The following PAM variants were observed in gnomAD, a reference collection of about 807,000 sequenced individuals.
PAM encodes peptidylglycine alpha-amidating monooxygenase, also known as peptidyl-glycine alpha-amidating monooxygenase.
A neutral mutation model predicts 122.1 loss-of-function variants in PAM; 72 were observed. The ratio of observed to expected loss-of-function variants is 0.59; its 90% CI spans 0.49 to 0.72. The LOEUF (loss-of-function observed/expected upper bound fraction) is 0.72, where lower values mean the gene tolerates loss of function less well. PAM is among the 30% of genes least tolerant of loss of function. PAM has a pLI of 0.00. For synonymous variants in PAM, 389 were observed against 404.4 expected (o/e 0.96, Z 0.46); for missense variants, 1,106 against 1,183.7 (o/e 0.93, Z 0.96).
At chr5:102,960,249 A>G (rs186065775) in intron 13 of PAM, among the ~76,000 whole-genome samples, 190 bp downstream of exon 13, 1 of 152,058 alleles carries the variant, frequency 6.6e-6, no homozygotes, top group East Asian at 1.9e-4. Flanking sequence ...TACCCATCAG[A>G]ACAGTTAAAG....
At chr5:102,806,145 T>G (rs1429154859) in intron 1 of PAM, among the ~76,000 whole-genome samples, 1 of 152,242 alleles carries the variant, frequency 6.6e-6, no homozygotes, top group Non-Finnish European at 1.5e-5. Flanking sequence ...TCCCTTTTTG[T>G]GTGTGTATTG....
chr5:102,890,299 A>T (rs144133636), intron 3 of PAM, among the ~76,000 whole-genome samples: 2 of 152,012 alleles, frequency 1.3e-5, no homozygotes, highest in Non-Finnish European at 2.9e-5. Context: ...CTACCTATTA[A>T]TGAGGAAATG....
intron 1 of PAM, among the ~76,000 whole-genome samples, chr5:102,779,733 A>T (rs977284388): frequency 6.6e-6 from 1 of 151,646 alleles, no homozygotes; most frequent in Non-Finnish European, 1.5e-5. Context: ...TTTTTCTCCC[A>T]TGCTGGATGC....
intron 3 of PAM, chr5:102,895,892 G>A (rs1796067387): frequency 6.6e-6 from 1 of 151,740 alleles, no homozygotes; most frequent in South Asian, 2.1e-4. Flanking sequence ...ACCAGGTTCA[G>A]AAGATTGACT....
At chr5:102,993,077 C>A (rs1208365211) in intron 16 of PAM, among the ~76,000 whole-genome samples, 1 of 152,046 alleles carries the variant, frequency 6.6e-6, no homozygotes, top group Admixed American at 6.6e-5. Context: ...ATATACATAG[C>A]AACCAAAATT....
intron 5 of PAM, among the ~76,000 whole-genome samples, chr5:102,920,353 A>G (rs1000854524): frequency 6.6e-6 from 1 of 152,096 alleles, no homozygotes; most frequent in African/African-American, 2.4e-5. Context: ...AGAATTTGGT[A>G]TGAATAAAAC....
At chr5:102,937,707 G>A (rs75411270) in intron 7 of PAM, among the ~76,000 whole-genome samples, 5 of 152,114 alleles carry the variant, frequency 3.3e-5, no homozygotes, top group Non-Finnish European at 5.9e-5. Flanking sequence ...GCTCAGAAAG[G>A]TTGCATGACT....
At chr5:102,822,221 C>T (rs1033393821) in intron 1 of PAM, among the ~76,000 whole-genome samples, 28 of 152,312 alleles carry the variant, frequency 1.8e-4, no homozygotes, top group African/African-American at 6.3e-4. Context: ...TTATCATCTA[C>T]TTTACACATT....
chr5:102,941,089 C>G (rs1755047612), intron 7 of PAM, among the ~76,000 whole-genome samples: 1 of 152,158 alleles, frequency 6.6e-6, no homozygotes, highest in Non-Finnish European at 1.5e-5. Context: ...TCACTGTAGA[C>G]TCATATTTTT....
At chr5:102,818,044 A>AAAAAAAAAAAC (rs1770517029) in intron 1 of PAM, among the ~76,000 whole-genome samples, 1 of 150,614 alleles carries the variant, frequency 6.6e-6, no homozygotes, top group Non-Finnish European at 1.5e-5. Context: ...AAAAAAAAAA[A>AAAAAAAAAAAC]AAAGACCTAT....
chr5:102,950,650 A>G lies in PAM; in HGVS notation c.802-67A>G. 3 of 951,542 alleles carry G rather than the reference A, an allele frequency of 3.2e-6. No individual in the cohort carries two copies. The South Asian group carries it at 4.1e-5, about 13-fold the overall frequency. The allele number at this position is 951,542 out of a possible 1,614,324, so 58.9% of individuals were successfully genotyped here. On this transcript the variant is annotated intron_variant, in intron 11 of 25. Coordinates refer to ENST00000438793, the MANE Select transcript of PAM (RefSeq NM_001177306.2). ...GTAAAGGAGGAACATACCTCAACAC[A>G]GTCAAACATGTAGTTCTGGATTTTA...
At chr5:102,844,591 C>T (rs1779502935) in intron 1 of PAM, among the ~76,000 whole-genome samples, 2 of 152,026 alleles carry the variant, frequency 1.3e-5, no homozygotes, top group South Asian at 4.2e-4. Context: ...TCCTTGAGCC[C>T]AGGAGTTCGA....
Position 102,913,956 on chromosome 5 carries a change from C to T in PAM, c.291C>T (p.Ser97=). 1.2e-6 allele frequency: 2 copies of T among 1,605,194 alleles called. No homozygotes were observed. Among genetic ancestry groups the T allele is most frequent in the Non-Finnish European group, 1.7e-6 (2 of 1,172,186 alleles). Residue 97 remains serine, a synonymous_variant, in exon 5 of 26, where the codon AGC becomes AGT. Coordinates refer to ENST00000438793, the MANE Select transcript of PAM (RefSeq NM_001177306.2). ...AFVIDFKPRA[S]MDTVHHMLLF... is the part of the protein sequence containing the mutation. ...CAGTTGACTTCAAGCCTCGAGCCAG[C>T]ATGGATACTGTCCATCACATGTTAC...
At chr5:102,758,085 T>G (rs796523967) in intron 1 of PAM, among the ~76,000 whole-genome samples, 2 of 43,330 alleles carry the variant, frequency 4.6e-5, no homozygotes, top group Non-Finnish European at 1.0e-4. Context: ...TTTTTTTTTT[T>G]TTTTTTTTTT....
chr5:102,885,766 T>C (rs1316815157), intron 3 of PAM, among the ~76,000 whole-genome samples: 1 of 152,002 alleles, frequency 6.6e-6, no homozygotes, highest in East Asian at 1.9e-4. Context: ...CTAACCTTTA[T>C]TTAATGGGCA....
At chr5:102,802,338 A>T (rs891928900) in intron 1 of PAM, among the ~76,000 whole-genome samples, 1 of 152,172 alleles carries the variant, frequency 6.6e-6, no homozygotes, top group Non-Finnish European at 1.5e-5. Context: ...TATTAAAGTT[A>T]ATCAACTCTT....
chr5:102,836,859 CGAGAGAGAGAGAGAGAGA>C (rs57617414), intron 1 of PAM, among the ~76,000 whole-genome samples: 4 of 120,828 alleles, frequency 3.3e-5, no homozygotes, highest in Middle Eastern at 4.3e-3. Context: ...AGAAAGAAAC[CGAGAGAGAGAGAGAGAGA>C]GAGAGAGAGA....
chr5:102,941,286 G>A (rs753753178), intron 7 of PAM, among the ~76,000 whole-genome samples: 20 of 152,164 alleles, frequency 1.3e-4, no homozygotes, highest in African/African-American at 2.7e-4. Context: ...GGATAAATGC[G>A]TTTTCTCTTC....
intron 14 of PAM, among the ~76,000 whole-genome samples, chr5:102,964,623 G>A (rs1763478321): frequency 6.6e-6 from 1 of 151,654 alleles, no homozygotes; most frequent in African/African-American, 2.4e-5. Flanking sequence ...AAAAGATAAG[G>A]AAATTATGTA....
Sources: allele counts gnomAD v4.1 joint callset (sites outside exome capture counted in the v4.1 genomes callset), GRCh38; gene constraint gnomAD v4.1.1; transcripts MANE v1.5; gene names NCBI Gene and HGNC (gene_info 2026-07-23, HGNC 2026-07-21).